CNTLN: variants seen among roughly 807,000 people sequenced by gnomAD.
The protein encoded by CNTLN is centlein.
A neutral mutation model predicts 180.0 loss-of-function variants in CNTLN; 212 were observed. That is an observed-to-expected ratio of 1.18 (90% CI 1.05 to 1.32). The LOEUF (loss-of-function observed/expected upper bound fraction) is 1.32, where lower values mean the gene tolerates loss of function less well. Ranked by LOEUF, CNTLN falls within the 40% of genes most tolerant of loss-of-function variation. The probability of loss-of-function intolerance (pLI) is 0.00; values close to 1 mark genes in which losing one functional copy is unlikely to be tolerated. For missense variants in CNTLN, 2,095 were observed against 1,610.9 expected, an observed-to-expected ratio of 1.30 and a Z score of -5.14; for synonymous variants, 722 against 563.1, an observed-to-expected ratio of 1.28 and a Z score of -3.99.
intron 18 of CNTLN, among the ~76,000 whole-genome samples, chr9:17,449,276 C>A (rs147523076): frequency 6.6e-6 from 1 of 151,838 alleles, no homozygotes; most frequent in Non-Finnish European, 1.5e-5. Flanking sequence ...CTCCTCCCCC[C>A]ACCCCACAAC....
At chr9:17,358,753 T>C (rs955654782) in intron 12 of CNTLN, among the ~76,000 whole-genome samples, 3 of 152,170 alleles carry the variant, frequency 2.0e-5, no homozygotes, top group African/African-American at 7.2e-5. Context: ...TGAGCACATA[T>C]ACAAGAATGC....
At chr9:17,212,581 G>C (rs1823404099) in intron 2 of CNTLN, among the ~76,000 whole-genome samples, 1 of 152,188 alleles carries the variant, frequency 6.6e-6, no homozygotes, top group Non-Finnish European at 1.5e-5. Context: ...GAATGAGTTA[G>C]GGAGGATTCC....
intron 23 of CNTLN, among the ~76,000 whole-genome samples, chr9:17,481,079 C>T (rs531894076): frequency 6.6e-6 from 1 of 152,132 alleles, no homozygotes; most frequent in Non-Finnish European, 1.5e-5. Flanking sequence ...CTTACGTACC[C>T]ACCCAGGCAG....
intron 13 of CNTLN, among the ~76,000 whole-genome samples, chr9:17,374,793 G>C (rs1037840039): frequency 6.6e-5 from 10 of 151,848 alleles, no homozygotes; most frequent in African/African-American, 2.4e-4. Flanking sequence ...CCAGGAGTTG[G>C]AGGTTTCAGT....
chr9:17,226,918 A>T (rs1453177545), intron 3 of CNTLN, among the ~76,000 whole-genome samples: 1 of 151,118 alleles, frequency 6.6e-6, no homozygotes, highest in African/African-American at 2.4e-5. Flanking sequence ...CTTTTTTTTA[A>T]TTTTTTTAAT....
At chr9:17,341,099 A>G in intron 11 of CNTLN, 151 bp downstream of exon 11, 1 of 640,072 alleles carries the variant, frequency 1.6e-6, no homozygotes. Context: ...GAATATAACA[A>G]ATTAAAACAG....
Position 17,202,646 on chromosome 9 carries a change from G to GTTTTTTTTTT in CNTLN, c.450-23542_450-23533dup, listed in dbSNP as rs57960408. On this transcript the variant is annotated intron_variant, in intron 2 of 25. Transcript: ENST00000380647. Reference sequence around the variant, plus strand: ...ATCAGAGCCTAGGATTGCAACCTCTGTTTTTTTTTTTTTTTTTTTTTTTTG... The same window carrying GTTTTTTTTTT: ...ATCAGAGCCTAGGATTGCAACCTCTGTTTTTTTTTTTTTTTTTTTTTTTTTTTTTTTTTTG... Among the ~76,000 whole-genome samples, 89 of 71,446 alleles carry GTTTTTTTTTT rather than the reference G, an allele frequency of 1.2e-3. 2 individuals are homozygous for GTTTTTTTTTT. The highest frequency in any genetic ancestry group is 9.1e-3 in the East Asian group (17 of 1,860). 46.9% of individuals were successfully genotyped at this position (71,446 alleles called of 152,430 possible).
intron 13 of CNTLN, among the ~76,000 whole-genome samples, chr9:17,387,010 C>G (rs1825732474): frequency 6.6e-6 from 1 of 152,136 alleles, no homozygotes; most frequent in Admixed American, 6.6e-5. Flanking sequence ...ACTTATTCCC[C>G]AGGTGGCAAA....
At chr9:17,319,351 C>G (rs1415220640) in intron 8 of CNTLN, among the ~76,000 whole-genome samples, 2 of 152,180 alleles carry the variant, frequency 1.3e-5, no homozygotes, top group African/African-American at 4.8e-5. Flanking sequence ...TGTTCCAGGT[C>G]AGGCTGATGG....
intron 12 of CNTLN, among the ~76,000 whole-genome samples, chr9:17,359,470 A>C (rs569604263): frequency 2.9e-4 from 44 of 152,040 alleles, no homozygotes; most frequent in Non-Finnish European, 5.7e-4. Flanking sequence ...TTTTCAGTAT[A>C]TATGTCCAGG....
rs1381173468 is a variant in CNTLN, at chr9:17,279,287, C to T, written c.983+5421C>T. ...TAATTCTATATAGTACTTCAGTGTT[C>T]ATCACTAAACTTTTTTACTCTTGAT... On this transcript the variant is annotated intron_variant, in intron 6 of 25. Transcript: ENST00000380647. Among the ~76,000 whole-genome samples the T allele has an allele frequency of 2.6e-5, 4 of 152,100 alleles. No individual in the cohort carries two copies. The South Asian group carries it at 6.2e-4, about 24-fold the overall frequency.
chr9:17,176,465 T>G (rs771827563), intron 2 of CNTLN, among the ~76,000 whole-genome samples: 15 of 152,328 alleles, frequency 9.8e-5, no homozygotes, highest in Non-Finnish European at 1.6e-4. Context: ...GGAGTACAAT[T>G]ATACATTGCT....
intron 2 of CNTLN, among the ~76,000 whole-genome samples, chr9:17,195,425 T>A (rs530304242): frequency 6.6e-6 from 1 of 151,970 alleles, no homozygotes; most frequent in South Asian, 2.1e-4. Flanking sequence ...ACTATTGTTT[T>A]TTTCCTTTTT....
chr9:17,519,746 T>C, the CNTLN span, among the ~76,000 whole-genome samples: 3 of 152,308 alleles, frequency 2.0e-5, no homozygotes, highest in Non-Finnish European at 4.4e-5. Context: ...TTTTAGCACA[T>C]CCACTCCTTA....
At position 17,332,725 on chromosome 9, in the gene CNTLN, C is replaced by G. The variant is rs1308085943; in HGVS notation, c.1639C>G (p.Leu547Val). The G allele has an allele frequency of 1.3e-6, 2 of 1,586,924 alleles. No homozygotes were observed. Among genetic ancestry groups the G allele is most frequent in the Admixed American group, 1.9e-5 (1 of 52,674 alleles). Residue 547 changes from leucine (L) to valine (V), a missense_variant, in exon 10 of 26, where the codon CTA becomes GTA. Coordinates refer to ENST00000380647, the MANE Select transcript of CNTLN (RefSeq NM_017738.4). Reference protein sequence around the residue: ...KIENLEKALQLKSQENDELRD... With the variant: ...KIENLEKALQVKSQENDELRD... ...TGAAAACTTAGAGAAGGCACTACAA[C>G]TAAAGGTGAACATTAAATCATTTCT...
intron 2 of CNTLN, among the ~76,000 whole-genome samples, chr9:17,217,972 C>G (rs1428855357): frequency 1.3e-5 from 2 of 151,892 alleles, no homozygotes; most frequent in Non-Finnish European, 2.9e-5. Flanking sequence ...CAGATGTGTT[C>G]TTTTGAATTG....
intron 12 of CNTLN, among the ~76,000 whole-genome samples, chr9:17,349,772 T>C (rs1473947768): frequency 6.6e-6 from 1 of 152,190 alleles, no homozygotes; most frequent in African/African-American, 2.4e-5. Flanking sequence ...AACTGATAAA[T>C]TGGCTGGTTC....
At chr9:17,235,846 A>G in intron 4 of CNTLN, 54 bp downstream of exon 4, 1 of 1,542,992 alleles carries the variant, frequency 6.5e-7, no homozygotes, top group Non-Finnish European at 8.7e-7. Context: ...GTTCTGCTTT[A>G]AGCTTTGTTA....
chr9:17,271,376 C>T (rs544686412), intron 5 of CNTLN, among the ~76,000 whole-genome samples: 1 of 152,252 alleles, frequency 6.6e-6, no homozygotes, highest in East Asian at 1.9e-4. Flanking sequence ...TTTAGGACCA[C>T]CTGTACTAAG....
Sources: allele counts gnomAD v4.1 joint callset (sites outside exome capture counted in the v4.1 genomes callset), GRCh38; gene constraint gnomAD v4.1.1; transcripts MANE v1.5; gene names NCBI Gene and HGNC (gene_info 2026-07-23, HGNC 2026-07-21).